Variants in ANKRD11 observed in about 807,000 individuals in gnomAD.
ANKRD11 encodes the protein ankyrin repeat domain-containing protein 11.
Under a neutral mutation model 195.7 loss-of-function variants are expected in ANKRD11, and 17 were observed. The observed-to-expected ratio is 0.09, with a 90% CI of 0.06 to 0.13. The LOEUF is 0.13. Among genes scored for constraint, ANKRD11 ranks in the 10% least tolerant of loss-of-function variants. The pLI is 1.00. For synonymous variants in ANKRD11, 1,953 were observed against 1,528.1 expected, an observed-to-expected ratio of 1.28 and a Z score of -6.49; for missense variants, 3,735 against 3,566.1, an observed-to-expected ratio of 1.05 and a Z score of -1.21.
chr16:89,345,365 T>C (rs542194516), intron 2 of ANKRD11, among the ~76,000 whole-genome samples: 1 of 144,674 alleles, frequency 6.9e-6, no homozygotes, highest in South Asian at 2.2e-4. Flanking sequence ...GTGCCCCATC[T>C]GGGGAGGCTC....
At position 89,279,559 on chromosome 16, in the gene ANKRD11, C is replaced by T. The variant is rs754298757; in HGVS notation, c.6983G>A (p.Arg2328Gln). The T allele has an allele frequency of 1.7e-5, 24 of 1,432,928 alleles. No individual in the cohort carries two copies. The highest frequency in any genetic ancestry group is 6.4e-5 in the South Asian group (5 of 77,546). The allele number at this position is 1,432,928 out of a possible 1,614,324, so 88.8% of individuals were successfully genotyped here. Residue 2328 changes from arginine to glutamine, a missense_variant, in exon 9 of 13, where the codon CGA (arginine) becomes CAA (glutamine). By Grantham distance (43) the Arg-to-Gln change is conservative. Transcript: ENST00000301030. This position sits in a 1 kb window ranked among gnomAD's most constrained non-coding sequence, Gnocchi z 5.6. The part of the protein sequence containing the change: ...KPTAEAPKAP[R>Q]VEEIPQRMTR... ...CATGCGCTGAGGGATCTCCTCCACT[C>T]GGGGGGCCTTCGGGGCTTCGGCCGT...
In ANKRD11 at chr16:89,310,902, C is replaced by T. The variant is rs544495412; in HGVS notation, c.88-5558G>A. Among the ~76,000 whole-genome samples, 96 of 152,318 alleles carry T rather than the reference C, an allele frequency of 6.3e-4. 1 individual carries two copies. The highest frequency in any genetic ancestry group is 5.0e-3 in the Admixed American group (77 of 15,310). On this transcript the variant is annotated intron_variant, in intron 3 of 12. Coordinates refer to ENST00000301030, the MANE Select transcript of ANKRD11 (RefSeq NM_013275.6). Reference sequence around the variant, plus strand: ...CCTCTTTCCTCTTCAGTCTGACTTTCGTGCTGCCTGGAGTCTGCAGGACGA... The same window carrying T: ...CCTCTTTCCTCTTCAGTCTGACTTTTGTGCTGCCTGGAGTCTGCAGGACGA...
chr16:89,323,119 T>G (rs2151941250), intron 2 of ANKRD11: 4 of 334,942 alleles, frequency 1.2e-5, no homozygotes, highest in East Asian at 1.0e-4. Context: ...CCGGCTGTTG[T>G]GCGCTCCGTG....
chr16:89,406,306 A>C (rs1009132362), intron 2 of ANKRD11, among the ~76,000 whole-genome samples: 16 of 152,136 alleles, frequency 1.1e-4, no homozygotes, highest in Non-Finnish European at 2.4e-4. Flanking sequence ...GCACTGACAG[A>C]AGCACAGACC....
intron 1 of ANKRD11, among the ~76,000 whole-genome samples, chr16:89,488,127 T>C (rs936183726): frequency 1.3e-5 from 2 of 152,190 alleles, no homozygotes; most frequent in Admixed American, 6.5e-5. Flanking sequence ...TATATTTTAC[T>C]ACAGCAAAAA....
At position 89,281,219 on chromosome 16, in the gene ANKRD11, C is replaced by T. The variant is rs559618415; in HGVS notation, c.5323G>A (p.Ala1775Thr). ...AGAGGCCTGGCAGGAGCCTGGCTGG[C>T]GTTTTCCGAAAGCCCACTTGAAGCC... ...SVASSGLSENASQAPARPLST... is the reference protein window; with the variant it reads ...SVASSGLSENTSQAPARPLST... Residue 1775 changes from alanine (A) to threonine (T), a missense_variant, in exon 9 of 13, where the codon GCC (alanine) becomes ACC (threonine). Ala to Thr is a moderately conservative substitution (Grantham distance 58, BLOSUM62 0). Transcript: ENST00000301030. This position sits in a 1 kb window ranked among gnomAD's most constrained non-coding sequence, Gnocchi z 5.5. 12 of 1,613,988 alleles carry T rather than the reference C, an allele frequency of 7.4e-6. No individual in the cohort carries two copies. The highest frequency in any genetic ancestry group is 8.5e-6 in the Non-Finnish European group (10 of 1,180,028).
At chr16:89,316,522 G>C (rs1201705889) in intron 3 of ANKRD11, among the ~76,000 whole-genome samples, 2 of 152,206 alleles carry the variant, frequency 1.3e-5, no homozygotes, top group Non-Finnish European at 2.9e-5. Context: ...GTTTTGATTG[G>C]CATCCCATTT....
intron 2 of ANKRD11, among the ~76,000 whole-genome samples, chr16:89,345,016 G>A (rs1352386919): frequency 6.6e-6 from 1 of 152,220 alleles, no homozygotes; most frequent in Non-Finnish European, 1.5e-5. Flanking sequence ...AGATGAGGCA[G>A]GAGGAACGGC....
intron 1 of ANKRD11, among the ~76,000 whole-genome samples, chr16:89,419,191 C>T (rs545109946): frequency 6.6e-6 from 1 of 152,118 alleles, no homozygotes; most frequent in South Asian, 2.1e-4. Context: ...GTGGCTCACG[C>T]CTGTAATCCC....
At chr16:89,274,469 G>A (rs940203135) in intron 11 of ANKRD11, among the ~76,000 whole-genome samples, 1 of 152,138 alleles carries the variant, frequency 6.6e-6, no homozygotes, top group Admixed American at 6.5e-5. Flanking sequence ...GAGCCCAGCA[G>A]TTTAAACAGA....
intron 1 of ANKRD11, among the ~76,000 whole-genome samples, chr16:89,448,850 C>T (rs945897150): frequency 6.6e-6 from 1 of 152,154 alleles, no homozygotes; most frequent in Admixed American, 6.6e-5. Flanking sequence ...GGCAGGAGAG[C>T]TCTTTCTATC....
chr16:89,489,184 CTG>C (rs2057718887), intron 1 of ANKRD11: 1 of 151,708 alleles, frequency 6.6e-6, no homozygotes, highest in African/African-American at 2.4e-5. Context: ...TGAGAGGGGA[CTG>C]AATCAATGTG....
intron 2 of ANKRD11, among the ~76,000 whole-genome samples, chr16:89,377,279 G>A (rs935410902): frequency 6.6e-6 from 1 of 152,158 alleles, no homozygotes; most frequent in Non-Finnish European, 1.5e-5. Flanking sequence ...GAGAGAGAGA[G>A]AGAGAGCATC....
chr16:89,390,483 G>A (rs139788385), intron 2 of ANKRD11, among the ~76,000 whole-genome samples: 7 of 152,310 alleles, frequency 4.6e-5, no homozygotes, highest in Admixed American at 2.0e-4. Context: ...AAAAAAATAC[G>A]TGAAGGAATA....
At chr16:89,301,714 CG>C (rs2035865984) in intron 4 of ANKRD11, 1 of 398,458 alleles carries the variant, frequency 2.5e-6, no homozygotes, top group African/African-American at 2.1e-5. Flanking sequence ...AGGGACCACG[CG>C]GATGCACAGC....
At chr16:89,476,951 T>C (rs2057279430) in intron 1 of ANKRD11, among the ~76,000 whole-genome samples, 2 of 152,156 alleles carry the variant, frequency 1.3e-5, no homozygotes, top group Admixed American at 6.5e-5. Flanking sequence ...CATGATATGG[T>C]AACAATCTAT....
At chr16:89,313,144 C>T (rs185603798) in intron 3 of ANKRD11, among the ~76,000 whole-genome samples, 221 of 152,316 alleles carry the variant, frequency 1.5e-3, no homozygotes, top group Admixed American at 3.9e-3. Flanking sequence ...GGTGACTGCT[C>T]GTCGGAGGAC....
chr16:89,354,022 T>C (rs1000810753), intron 2 of ANKRD11, among the ~76,000 whole-genome samples: 12 of 152,080 alleles, frequency 7.9e-5, no homozygotes, highest in Admixed American at 2.6e-4. Flanking sequence ...CTGTAAATAA[T>C]TGATGGGAGC....
chr16:89,351,942 ACT>A (rs1322635702), intron 2 of ANKRD11, among the ~76,000 whole-genome samples: 3 of 152,170 alleles, frequency 2.0e-5, no homozygotes, highest in African/African-American at 7.2e-5. Flanking sequence ...AGACAGTCTC[ACT>A]CTGTCGCCCA....
Sources: gnomAD v4.1 joint callset for allele counts (sites outside exome capture counted in the v4.1 genomes callset) on GRCh38, gnomAD v4.1.1 for gene constraint, Gnocchi (gnomAD v3.1) non-coding constraint, MANE v1.5 for transcripts, NCBI Gene and HGNC (gene_info 2026-07-23, HGNC 2026-07-21) for gene names.